Variants in SP4 observed in about 807,000 individuals in gnomAD.
SP4 encodes Sp4 transcription factor, also known as transcription factor Sp4.
In SP4, 19 loss-of-function variants were observed where a neutral mutation model predicts 72.8. The ratio of observed to expected loss-of-function variants is 0.26; its 90% CI spans 0.18 to 0.38. The LOEUF is 0.38. Ranked by LOEUF, SP4 falls within the 10% of genes least tolerant of loss-of-function variation. The pLI, the probability that SP4 is intolerant of heterozygous loss-of-function variation, is 1.00. For synonymous variants in SP4, 395 were observed against 333.1 expected (o/e 1.19, Z -2.02); for missense variants, 1,008 against 926.3 (o/e 1.09, Z -1.14).
rs763660811 is a variant in SP4 at position 21,511,163 on chromosome 7, C to G, written c.2249C>G (p.Ser750Cys). 6.8e-6 allele frequency: 11 copies of G among 1,614,214 alleles called. No individual in the cohort carries two copies. Among genetic ancestry groups the G allele is most frequent in the Non-Finnish European group, 8.5e-6 (10 of 1,180,030 alleles). The part of the protein sequence containing the change: ...AIVTSGELDS[S>C]VTEVLGSPRI... ...GTTACCTCGGGAGAACTGGACTCAT[C>G]TGTTACAGAGGTGCTTGGCTCCCCA... The change falls in exon 6 of 6, where the codon TCT (serine) becomes TGT (cysteine). Residue 750 changes from serine to cysteine, a missense_variant. Around this residue, in one of 3 missense-constraint regions of SP4, gnomAD observed 67 missense variants for 66.1 expected, o/e 1.01. Coordinates refer to ENST00000222584, the MANE Select transcript of SP4 (RefSeq NM_003112.5).
Position 21,428,756 on chromosome 7 carries a change from G to T in SP4, c.87G>T (p.Glu29Asp), listed in dbSNP as rs1782719847. 3 of 1,552,092 alleles carry T rather than the reference G, an allele frequency of 1.9e-6. No homozygotes were observed. Among genetic ancestry groups the T allele is most frequent in the Non-Finnish European group, 2.6e-6 (3 of 1,147,476 alleles). The change falls in exon 2 of 6, where the codon GAG (glutamate) becomes GAT (aspartate). Residue 29 changes from glutamate (E) to aspartate (D), a missense_variant. Glu to Asp is a conservative substitution (Grantham distance 45, BLOSUM62 2). This residue lies in a region of SP4 where 893 missense variants were observed against 743.3 expected (regional missense o/e 1.20). Transcript: ENST00000222584. ...AAGGAGGGAAAACCTCTGAGCCAGA[G>T]AATAACAATAAAAAACCCAAAACCT... ...ATEGGKTSEP[E>D]NNNKKPKTSG... is the part of the protein sequence containing the mutation.
intron 3 of SP4, among the ~76,000 whole-genome samples, chr7:21,448,992 AT>A (rs1783507145): frequency 6.6e-6 from 1 of 152,154 alleles, no homozygotes; most frequent in East Asian, 1.9e-4. Flanking sequence ...GGGGTTAACC[AT>A]TTCCTAAAGA....
chr7:21,431,190 A>C lies in SP4; in HGVS notation c.1678+347A>C, dbSNP rs1782842286. Among the ~76,000 whole-genome samples, 3 of 152,362 alleles carry C rather than the reference A, an allele frequency of 2.0e-5. No individual in the cohort carries two copies. In the South Asian group the frequency reaches 6.2e-4, roughly 32 times the overall value. On this transcript the variant is annotated intron_variant, in intron 3 of 5. Transcript: ENST00000222584. ...AAGAACCCTAGTCGAAATGATATTT[A>C]TCTCTTCTTTGAGGGAAAGTAGTTT... is the stretch of plus-strand genomic sequence containing the variant.
At chr7:21,490,460 C>T (rs1365515135) in intron 5 of SP4, among the ~76,000 whole-genome samples, 1 of 152,124 alleles carries the variant, frequency 6.6e-6, no homozygotes, top group Non-Finnish European at 1.5e-5. Context: ...GTCTGTTTTC[C>T]AAGAAATCTG....
At chr7:21,478,782 T>C (rs1731127605) in intron 4 of SP4, among the ~76,000 whole-genome samples, 1 of 152,114 alleles carries the variant, frequency 6.6e-6, no homozygotes, top group Non-Finnish European at 1.5e-5. Context: ...GAAAATATTG[T>C]CTCCTGGCTG....
At chr7:21,497,507 T>C (rs948619661) in intron 5 of SP4, among the ~76,000 whole-genome samples, 1 of 152,216 alleles carries the variant, frequency 6.6e-6, no homozygotes, top group African/African-American at 2.4e-5. Context: ...TTTTTTCCCA[T>C]AGGTTTTTGT....
intron 4 of SP4, among the ~76,000 whole-genome samples, chr7:21,479,137 G>A (rs758195913): frequency 2.0e-5 from 3 of 150,944 alleles, no homozygotes; most frequent in Admixed American, 6.6e-5. Flanking sequence ...ATACTTTCTT[G>A]ATAGTGCCTT....
In SP4 at chr7:21,498,592, A is replaced by G. The variant is rs147609856; in HGVS notation, c.2108-12430A>G. 7.7e-3 allele frequency among the ~76,000 whole-genome samples: 1,170 copies of G among 152,270 alleles called. 19 individuals are homozygous for G. Among genetic ancestry groups the G allele is most frequent in the African/African-American group, 0.026 (1,082 of 41,548 alleles). ...TGAGTCCTTACATTCAAAAATGATT[A>G]CAGTTAACCCTTGAACAACACAGAG... On this transcript the variant is annotated intron_variant, in intron 5 of 5. Coordinates refer to ENST00000222584, the MANE Select transcript of SP4 (RefSeq NM_003112.5).
chr7:21,477,489 C>G (rs1784536719), intron 4 of SP4, among the ~76,000 whole-genome samples, 182 bp downstream of exon 4: 1 of 152,228 alleles, frequency 6.6e-6, no homozygotes, highest in Non-Finnish European at 1.5e-5. Flanking sequence ...GAGCGGTCCT[C>G]CGCCTTGTTC....
chr7:21,511,992 G>T lies in SP4; in HGVS notation c.*723G>T, dbSNP rs770891360. The T allele has an allele frequency of 3.9e-5, 6 of 152,398 alleles. No homozygotes were observed. Among genetic ancestry groups the T allele is most frequent in the African/African-American group, 7.2e-5 (3 of 41,468 alleles). 9.4% of individuals were successfully genotyped at this position (152,398 alleles called of 1,614,324 possible). ...TAGGTTGACACCTTAGGAAAATGCT[G>T]GGAAAAAAATGGTTAAAACAAAACT... On this transcript the variant is annotated 3_prime_UTR_variant, in exon 6 of 6. Transcript: ENST00000222584.
chr7:21,437,720 G>A (rs955324079), intron 3 of SP4, among the ~76,000 whole-genome samples: 2 of 152,154 alleles, frequency 1.3e-5, no homozygotes, highest in African/African-American at 4.8e-5. Flanking sequence ...AACCTGGCTT[G>A]GCAGGAGGAC....
At chr7:21,442,612 A>T (rs1182377251) in intron 3 of SP4, among the ~76,000 whole-genome samples, 1 of 152,208 alleles carries the variant, frequency 6.6e-6, no homozygotes, top group African/African-American at 2.4e-5. Context: ...TTTTCATGGA[A>T]AGGGTGATAA....
chr7:21,453,792 T>C (rs922399581), intron 3 of SP4, among the ~76,000 whole-genome samples: 1 of 152,200 alleles, frequency 6.6e-6, no homozygotes, highest in Admixed American at 6.5e-5. Flanking sequence ...ATGTTTAATT[T>C]ATGAATAGTC....
At chr7:21,456,611 G>A (rs1181954667) in intron 3 of SP4, among the ~76,000 whole-genome samples, 1 of 152,238 alleles carries the variant, frequency 6.6e-6, no homozygotes, top group East Asian at 1.9e-4. Context: ...ATGTGCCCCT[G>A]AGGCAGGCAG....
At chr7:21,450,377 T>C (rs1783551757) in intron 3 of SP4, among the ~76,000 whole-genome samples, 1 of 152,182 alleles carries the variant, frequency 6.6e-6, no homozygotes. Flanking sequence ...TTTAGGGGGC[T>C]TTTTTGGTGG....
intron 3 of SP4, among the ~76,000 whole-genome samples, chr7:21,467,428 A>G (rs56767151): frequency 1.1e-4 from 16 of 152,282 alleles, no homozygotes; most frequent in African/African-American, 3.8e-4. Context: ...GTATATTGAT[A>G]GAGTTTTGCA....
At chr7:21,453,493 T>C (rs1783663846) in intron 3 of SP4, among the ~76,000 whole-genome samples, 1 of 152,244 alleles carries the variant, frequency 6.6e-6, no homozygotes, top group South Asian at 2.1e-4. Flanking sequence ...TTACTGATAA[T>C]GTATGCCTAG....
intron 3 of SP4, among the ~76,000 whole-genome samples, chr7:21,435,591 A>G (rs1783024642): frequency 2.0e-5 from 3 of 152,180 alleles, no homozygotes; most frequent in South Asian, 4.1e-4. Flanking sequence ...GCATCTGTAT[A>G]TATACATACT....
chr7:21,460,406 G>A (rs1237109630), intron 3 of SP4, among the ~76,000 whole-genome samples: 2 of 151,652 alleles, frequency 1.3e-5, no homozygotes, highest in Non-Finnish European at 2.9e-5. Flanking sequence ...GTGGGTTCGT[G>A]GTCTCGCTGG....
Sources: gnomAD v4.1 joint callset for allele counts (sites outside exome capture counted in the v4.1 genomes callset) on GRCh38, gnomAD v4.1.1 for gene constraint, gnomAD v4.1.1 regional missense constraint, MANE v1.5 for transcripts, NCBI Gene and HGNC (gene_info 2026-07-23, HGNC 2026-07-21) for gene names.